The following NXPH1 variants were observed in gnomAD, a reference collection of about 807,000 sequenced individuals.
The protein encoded by NXPH1 is neurexophilin-1.
In NXPH1, 5 loss-of-function variants were observed where a neutral mutation model predicts 23.7. The ratio of observed to expected loss-of-function variants is 0.21; its 90% CI spans 0.11 to 0.44. NXPH1 has a LOEUF of 0.44. Among genes scored for constraint, NXPH1 ranks in the 20% least tolerant of loss-of-function variants. The pLI is 0.99. For synonymous variants in NXPH1, 144 were observed against 122.2 expected, an observed-to-expected ratio of 1.18 and a Z score of -1.18; for missense variants, 324 against 321.6, an observed-to-expected ratio of 1.01 and a Z score of -0.06.
At chr7:8,637,036 A>C (rs60553164) in intron 2 of NXPH1, among the ~76,000 whole-genome samples, 7,821 of 152,204 alleles carry the variant, frequency 0.051, 415 homozygotes, top group East Asian at 0.17. Context: ...CATGGTACAA[A>C]AATCCTTTTG....
chr7:8,591,977 G>C (rs1819105773), intron 2 of NXPH1, among the ~76,000 whole-genome samples: 1 of 151,626 alleles, frequency 6.6e-6, no homozygotes, highest in African/African-American at 2.4e-5. Flanking sequence ...TCATCTTTCA[G>C]TCTTCTAGGA....
rs374962874 is a variant in NXPH1 at position 8,732,915 on chromosome 7, A to G, written c.55-18093A>G. Among the ~76,000 whole-genome samples, 14 of 152,290 alleles carry G rather than the reference A, an allele frequency of 9.2e-5. No homozygotes were observed. In the South Asian group the frequency reaches 1.0e-3, roughly 11 times the overall value. ...AATTTTACTTTAAGTTCTGGGATAC[A>G]TGTGCAGAGCATGCAGATTTGTTAC... is the stretch of plus-strand genomic sequence containing the variant. On this transcript the variant is annotated intron_variant, in intron 2 of 2. Coordinates refer to ENST00000405863, the MANE Select transcript of NXPH1 (RefSeq NM_152745.3).
At chr7:8,723,903 G>A (rs1780007143) in intron 2 of NXPH1, among the ~76,000 whole-genome samples, 1 of 152,110 alleles carries the variant, frequency 6.6e-6, no homozygotes, top group Non-Finnish European at 1.5e-5. Context: ...TGAGACTAAA[G>A]GGAAAAGTAG....
intron 2 of NXPH1, among the ~76,000 whole-genome samples, chr7:8,710,592 T>C (rs982944068): frequency 6.6e-6 from 1 of 151,476 alleles, no homozygotes; most frequent in Non-Finnish European, 1.5e-5. Flanking sequence ...TCATAAATCT[T>C]TTCAGGTTTT....
chr7:8,525,410 T>C (rs530003711), intron 2 of NXPH1, among the ~76,000 whole-genome samples: 2 of 152,246 alleles, frequency 1.3e-5, no homozygotes, highest in South Asian at 2.1e-4. Context: ...GACTATATGA[T>C]AGAAAAGAAA....
At chr7:8,631,451 C>T (rs1231652050) in intron 2 of NXPH1, among the ~76,000 whole-genome samples, 1 of 152,120 alleles carries the variant, frequency 6.6e-6, no homozygotes, top group African/African-American at 2.4e-5. Flanking sequence ...TAAAGAGCTG[C>T]ACAGCAAAAT....
At chr7:8,532,785 A>G (rs1046285257) in intron 2 of NXPH1, among the ~76,000 whole-genome samples, 6 of 152,280 alleles carry the variant, frequency 3.9e-5, no homozygotes, top group African/African-American at 1.2e-4. Flanking sequence ...CTTGGGCAAG[A>G]TAATTACATA....
intron 2 of NXPH1, among the ~76,000 whole-genome samples, chr7:8,453,171 G>A (rs1004074571): frequency 2.0e-5 from 3 of 151,884 alleles, no homozygotes; most frequent in African/African-American, 7.2e-5. Flanking sequence ...GGGGAGAGAG[G>A]GAGAGGAAGA....
In NXPH1 at chr7:8,751,122, C is replaced by T; in HGVS notation, c.169C>T (p.Arg57Ter). 1.2e-6 allele frequency: 2 copies of T among 1,613,758 alleles called. No individual in the cohort carries two copies. Among genetic ancestry groups the T allele is most frequent in the Non-Finnish European group, 1.7e-6 (2 of 1,179,782 alleles). The change falls in exon 3 of 3, where the codon CGA becomes TGA. Residue 57 changes from arginine (R) to a stop codon, truncating the protein, a stop_gained. Transcript: ENST00000405863. LOFTEE classifies it high-confidence loss of function. The surrounding 1 kb of genome is among the most constrained non-coding windows in gnomAD (Gnocchi z 4.5). ...TESSKDLSIS[R>*]LLSQTFRGKE... ...AAGCAGCAAAGACTTGTCTATCAGC[C>T]GACTCCTGTCACAGACTTTTCGTGG...
At chr7:8,477,512 C>T (rs1816996400) in intron 2 of NXPH1, among the ~76,000 whole-genome samples, 1 of 152,088 alleles carries the variant, frequency 6.6e-6, no homozygotes, top group Admixed American at 6.6e-5. Flanking sequence ...CCTAGCAATA[C>T]ATACAAATGT....
intron 2 of NXPH1, among the ~76,000 whole-genome samples, chr7:8,673,003 A>G (rs1208778055): frequency 6.6e-6 from 1 of 152,184 alleles, no homozygotes; most frequent in African/African-American, 2.4e-5. Flanking sequence ...CAAGTTACAT[A>G]TCTCCATCTA....
chr7:8,740,530 C>G (rs903403141), intron 2 of NXPH1, among the ~76,000 whole-genome samples: 22 of 152,280 alleles, frequency 1.4e-4, no homozygotes, highest in African/African-American at 5.1e-4. Flanking sequence ...CCTATGATCT[C>G]TGACTGCAAA....
chr7:8,465,439 A>G (rs561265914), intron 2 of NXPH1, among the ~76,000 whole-genome samples: 2 of 151,888 alleles, frequency 1.3e-5, no homozygotes, highest in East Asian at 3.9e-4. Context: ...CTTTTAGGTC[A>G]TGGTCCAGCT....
At chr7:8,518,126 T>A (rs1357653934) in intron 2 of NXPH1, among the ~76,000 whole-genome samples, 1 of 151,674 alleles carries the variant, frequency 6.6e-6, no homozygotes, top group Admixed American at 6.6e-5. Flanking sequence ...TGTAAAAAAA[T>A]ATTATTAGAT....
At chr7:8,682,391 T>A (rs1001873467) in intron 2 of NXPH1, among the ~76,000 whole-genome samples, 6 of 152,208 alleles carry the variant, frequency 3.9e-5, no homozygotes, top group Non-Finnish European at 8.8e-5. Context: ...ACACAGCTGA[T>A]TTGGGCTATA....
intron 2 of NXPH1, among the ~76,000 whole-genome samples, chr7:8,492,019 C>G (rs1167098887): frequency 6.6e-6 from 1 of 151,998 alleles, no homozygotes. Context: ...ATTTATGCCA[C>G]TTACCTCCAG....
intron 2 of NXPH1, among the ~76,000 whole-genome samples, chr7:8,645,873 T>A (rs150981233): frequency 5.7e-4 from 87 of 152,222 alleles, no homozygotes; most frequent in African/African-American, 2.1e-3. Context: ...TTACATATAT[T>A]TATAGGTCCA....
chr7:8,705,811 A>C (rs1779695614), intron 2 of NXPH1, among the ~76,000 whole-genome samples: 1 of 152,162 alleles, frequency 6.6e-6, no homozygotes, highest in Admixed American at 6.5e-5. Flanking sequence ...GGCTATGTCA[A>C]CATTTCTCTC....
intron 2 of NXPH1, among the ~76,000 whole-genome samples, chr7:8,537,010 GT>G (rs1211071739): frequency 6.6e-6 from 1 of 151,972 alleles, no homozygotes; most frequent in Non-Finnish European, 1.5e-5. Context: ...ACAGCTCTAT[GT>G]TCTGGGCTAA....
Sources: gnomAD v4.1 joint callset for allele counts (sites outside exome capture counted in the v4.1 genomes callset) on GRCh38, gnomAD v4.1.1 for gene constraint, Gnocchi (gnomAD v3.1) non-coding constraint, MANE v1.5 for transcripts, NCBI Gene and HGNC (gene_info 2026-07-23, HGNC 2026-07-21) for gene names.